The following PPFIBP1 variants were observed in gnomAD, a reference collection of about 807,000 sequenced individuals.
PPFIBP1 encodes PPFIB scaffold protein 1.
PPFIBP1 carries 112 observed loss-of-function variants against 137.8 expected under a neutral mutation model. The observed-to-expected ratio is 0.81, with a 90% CI of 0.70 to 0.95. The LOEUF is 0.95. Among genes scored for constraint, PPFIBP1 ranks in the 40% least tolerant of loss-of-function variants. The pLI is 0.00. For synonymous variants in PPFIBP1, 378 were observed against 417.3 expected, an observed-to-expected ratio of 0.91 and a Z score of 1.15; for missense variants, 1,083 against 1,196.6, an observed-to-expected ratio of 0.91 and a Z score of 1.40.
intron 1 of PPFIBP1, among the ~76,000 whole-genome samples, chr12:27,569,622 C>A (rs1345275185): frequency 6.6e-6 from 1 of 152,158 alleles, no homozygotes; most frequent in Non-Finnish European, 1.5e-5. Flanking sequence ...ATGGTACAAT[C>A]TCGGCTAACT....
chr12:27,662,960 A>G (rs934051179), intron 11 of PPFIBP1, among the ~76,000 whole-genome samples: 2 of 152,188 alleles, frequency 1.3e-5, no homozygotes, highest in Admixed American at 6.5e-5. Flanking sequence ...TGAGTTGGCT[A>G]GGTGATTCTT....
In PPFIBP1 at chr12:27,692,802, T is replaced by C. The variant is rs2061634918; in HGVS notation, c.2938T>C (p.Leu980=). 4 of 1,614,004 alleles carry C rather than the reference T, an allele frequency of 2.5e-6. No individual in the cohort carries two copies. The African/African-American group carries it at 5.3e-5, about 22-fold the overall frequency. ...CTGTCTCCTTGTTTTCCAGCACATG[T>C]TAAAAGAAGATGACATGTTTAAAGA... ...SEGINNLTHM[L]KEDDMFKDFA... The change falls in exon 30 of 30, where the codon TTA becomes CTA. Residue 980 remains leucine (L), a synonymous_variant. Coordinates refer to ENST00000228425, the MANE Select transcript of PPFIBP1 (RefSeq NM_003622.4).
chr12:27,563,462 A>C (rs1233550454), intron 1 of PPFIBP1, among the ~76,000 whole-genome samples: 1 of 110 alleles, frequency 9.1e-3, no homozygotes, highest in African/African-American at 0.026. Flanking sequence ...ATCTCAAAGA[A>C]AAAAAAAAAA....
chr12:27,671,535 A>G lies in PPFIBP1; in HGVS notation c.1251A>G (p.Ser417=). 6.4e-7 allele frequency: 1 copy of G among 1,567,250 alleles called. No homozygotes were observed. The highest frequency in any genetic ancestry group is 1.2e-5 in the South Asian group (1 of 85,364). Residue 417 remains serine, a synonymous_variant, in exon 14 of 30, where the codon TCA becomes TCG. Coordinates refer to ENST00000228425, the MANE Select transcript of PPFIBP1 (RefSeq NM_003622.4). ...KSKLTPKPET[S]FEENDGNIIL... is the part of the protein sequence containing the mutation. ...AGTTGACTCCTAAGCCAGAGACTTC[A>G]TTTGAAGAAAAGTATGTCATTTATT... is the stretch of plus-strand genomic sequence containing the variant.
intron 1 of PPFIBP1, among the ~76,000 whole-genome samples, chr12:27,572,297 A>G (rs1207741164): frequency 2.0e-5 from 3 of 152,202 alleles, no homozygotes; most frequent in Admixed American, 2.0e-4. Flanking sequence ...TTCCTTCACT[A>G]GGCTGCCAGT....
At chr12:27,581,591 C>T (rs996612538) in intron 2 of PPFIBP1, among the ~76,000 whole-genome samples, 2 of 152,228 alleles carry the variant, frequency 1.3e-5, no homozygotes, top group Admixed American at 1.3e-4. Context: ...GCCCTTTTCT[C>T]TGTACCCTTT....
Position 27,635,099 on chromosome 12 carries a change from G to A in PPFIBP1, c.254G>A (p.Trp85Ter). Residue 85 changes from tryptophan to a stop codon, truncating the protein, a stop_gained, in exon 4 of 30, where the codon TGG (tryptophan) becomes TAG (stop). Transcript: ENST00000228425. LOFTEE classifies it high-confidence loss of function. Reference sequence around the variant, plus strand: ...TCAACAGCAGAAACGCTTGTTGAATGGCTTCAGAGTCAAATGGTAGGGTCT... The same window carrying A: ...TCAACAGCAGAAACGCTTGTTGAATAGCTTCAGAGTCAAATGGTAGGGTCT... ...PDSTAETLVE[W>*]LQSQMTNGHL... 5.0e-6 allele frequency: 8 copies of A among 1,614,126 alleles called. No homozygotes were observed. Among genetic ancestry groups the A allele is most frequent in the Non-Finnish European group, 6.8e-6 (8 of 1,179,960 alleles).
intron 2 of PPFIBP1, among the ~76,000 whole-genome samples, chr12:27,604,269 A>G (rs1592787165): frequency 6.6e-6 from 1 of 152,230 alleles, no homozygotes; most frequent in Non-Finnish European, 1.5e-5. Context: ...AAGATGATAT[A>G]TAGTATCTGA....
intron 2 of PPFIBP1, among the ~76,000 whole-genome samples, chr12:27,578,630 A>G (rs542583954): frequency 2.7e-3 from 404 of 152,262 alleles, no homozygotes; most frequent in African/African-American, 9.0e-3. Context: ...CCCATTAATG[A>G]CCCAGTAGGC....
chr12:27,652,268 G>C (rs1339671294), intron 7 of PPFIBP1, among the ~76,000 whole-genome samples: 4 of 152,158 alleles, frequency 2.6e-5, no homozygotes, highest in Non-Finnish European at 5.9e-5. Context: ...AAAGGACTGA[G>C]GGTACAAGTC....
rs570467910 is a variant in PPFIBP1, at chr12:27,563,869, CT to C, written c.-123-14269del. 6.3e-3 allele frequency among the ~76,000 whole-genome samples: 906 copies of C among 142,912 alleles called. 7 individuals are homozygous for C. The highest frequency in any genetic ancestry group is 0.018 in the African/African-American group (697 of 38,638). The allele number at this position is 142,912 out of a possible 152,430, so 93.8% of individuals were successfully genotyped here. ...GGGCAAGCCAGCCATAAACACTTCCCTTTTTTTTTTTTTTCTTTTTTGAGAC... is the reference window on the plus strand; with the variant it reads ...GGGCAAGCCAGCCATAAACACTTCCCTTTTTTTTTTTTTCTTTTTTGAGAC... On this transcript the variant is annotated intron_variant, in intron 1 of 29. Coordinates refer to ENST00000228425, the MANE Select transcript of PPFIBP1 (RefSeq NM_003622.4).
At chr12:27,603,038 T>A (rs925085917) in intron 2 of PPFIBP1, among the ~76,000 whole-genome samples, 1 of 152,250 alleles carries the variant, frequency 6.6e-6, no homozygotes, top group Non-Finnish European at 1.5e-5. Flanking sequence ...TATTTTATAA[T>A]GTCAAGGCTC....
At chr12:27,625,561 T>A (rs968005562) in intron 2 of PPFIBP1, among the ~76,000 whole-genome samples, 14 of 151,464 alleles carry the variant, frequency 9.2e-5, no homozygotes, top group Admixed American at 8.6e-4. Flanking sequence ...ATTCTATACT[T>A]ATTTTACAGT....
intron 1 of PPFIBP1, among the ~76,000 whole-genome samples, chr12:27,560,855 C>T (rs190209674): frequency 3.3e-5 from 5 of 152,264 alleles, no homozygotes; most frequent in Non-Finnish European, 5.9e-5. Flanking sequence ...ACTTAATATC[C>T]TATGTACTAA....
chr12:27,561,949 T>G (rs753886424), intron 1 of PPFIBP1, among the ~76,000 whole-genome samples: 2 of 152,004 alleles, frequency 1.3e-5, no homozygotes, highest in African/African-American at 2.4e-5. Flanking sequence ...ACTTGGGAGA[T>G]TGAAGTGGGA....
At chr12:27,532,054 T>C (rs1944480999) in intron 1 of PPFIBP1, among the ~76,000 whole-genome samples, 1 of 152,210 alleles carries the variant, frequency 6.6e-6, no homozygotes, top group South Asian at 2.1e-4. Flanking sequence ...ATAATGTATG[T>C]GAAGCACTAA....
intron 2 of PPFIBP1, among the ~76,000 whole-genome samples, chr12:27,583,415 G>T (rs370309965): frequency 2.2e-4 from 33 of 152,180 alleles, no homozygotes; most frequent in Middle Eastern, 3.4e-3. Context: ...GAATTCTAAG[G>T]CATTTTCAAA....
At chr12:27,635,224 G>A (rs1359829463) in intron 4 of PPFIBP1, 109 bp downstream of exon 4, 1 of 1,008,888 alleles carries the variant, frequency 9.9e-7, no homozygotes, top group Non-Finnish European at 1.5e-6. Flanking sequence ...CAACACATGT[G>A]CTCCGATTTT....
At chr12:27,590,626 A>C (rs2052387788) in intron 2 of PPFIBP1, among the ~76,000 whole-genome samples, 1 of 152,172 alleles carries the variant, frequency 6.6e-6, no homozygotes, top group South Asian at 2.1e-4. Flanking sequence ...GGACAGCTAA[A>C]GGAGGGTCAT....
Sources: gnomAD v4.1 joint callset for allele counts (sites outside exome capture counted in the v4.1 genomes callset) on GRCh38, gnomAD v4.1.1 for gene constraint, MANE v1.5 for transcripts, NCBI Gene and HGNC (gene_info 2026-07-23, HGNC 2026-07-21) for gene names.